MT3: variants seen among roughly 807,000 people sequenced by gnomAD.
MT3 encodes metallothionein-3.
A neutral mutation model predicts 10.9 loss-of-function variants in MT3; 8 were observed. That is an observed-to-expected ratio of 0.73 (90% CI 0.43 to 1.33). MT3 has a LOEUF of 1.33. MT3 is among the 40% of genes most tolerant of loss of function. MT3 has a pLI of 0.01. For missense variants in MT3, 75 were observed against 83.9 expected (o/e 0.89, Z 0.41); for synonymous variants, 32 against 29.9 (o/e 1.07, Z -0.23).
chr16:56,589,828 G>C, intron 1 of MT3, 42 bp from the exon 2 acceptor site: 6 of 1,611,370 alleles, frequency 3.7e-6, no homozygotes, highest in Non-Finnish European at 5.1e-6. Context: ...GGGGACCCGA[G>C]TTCGTCCACA....
At position 56,590,948 on chromosome 16, in the gene MT3, G is replaced by A. The variant is rs762297545; in HGVS notation, c.206G>A (p.Ter69=). 1.9e-6 allele frequency: 3 copies of A among 1,612,704 alleles called. No homozygotes were observed. Among genetic ancestry groups the A allele is most frequent in the African/African-American group, 2.7e-5 (2 of 75,048 alleles). ...GCAGAGAAGTGCAGCTGCTGCCAGT[G>A]AGAAGGCACCCCTCCGTGTGGAGCA... ...AEAEKCSCCQ[*] The change falls in exon 3 of 3, where the codon TGA becomes TAA. Residue 69 remains the stop codon, a stop_retained_variant. Coordinates refer to ENST00000200691, the MANE Select transcript of MT3 (RefSeq NM_005954.4).
At chr16:56,590,487 CAA>C in intron 2 of MT3, 1 of 434,340 alleles carries the variant, frequency 2.3e-6, no homozygotes, top group Non-Finnish European at 4.2e-6. Flanking sequence ...CTGCCCCTCC[CAA>C]GTTTATCCTT....
chr16:56,590,164 C>A (rs965597932), intron 2 of MT3: 2 of 678,882 alleles, frequency 2.9e-6, no homozygotes, highest in African/African-American at 1.8e-5. Flanking sequence ...CCAGAAGACT[C>A]CAATGGCAGC....
In MT3 at chr16:56,589,550, G is replaced by GAGA; in HGVS notation, c.-38_-36dup. ...GCCAAGCCGCGCGTCCAGTTGCTTGGAGAAGCCCGTTCACCGCCTCCAGCT... is the reference window on the plus strand; with the variant it reads ...GCCAAGCCGCGCGTCCAGTTGCTTGGAGAAGAAGCCCGTTCACCGCCTCCAGCT... On this transcript the variant is annotated 5_prime_UTR_variant, in exon 1 of 3. Coordinates refer to ENST00000200691, the MANE Select transcript of MT3 (RefSeq NM_005954.4). 6.5e-7 allele frequency: 1 copy of GAGA among 1,540,976 alleles called. No individual in the cohort carries two copies. The highest frequency in any genetic ancestry group is 8.7e-7 in the Non-Finnish European group (1 of 1,146,462).
At position 56,591,014 on chromosome 16, in the gene MT3, G is replaced by A. The variant is rs1406618596; in HGVS notation, c.*65G>A. On this transcript the variant is annotated 3_prime_UTR_variant, in exon 3 of 3. Coordinates refer to ENST00000200691, the MANE Select transcript of MT3 (RefSeq NM_005954.4). ...AGGTGGCTCAGTGCCACCTATGCCT[G>A]TGGTGAAGTGTGGCTGGTGTCCCCT... is the stretch of plus-strand genomic sequence containing the variant. 5 of 1,343,400 alleles carry A rather than the reference G, an allele frequency of 3.7e-6. No individual in the cohort carries two copies. The highest frequency in any genetic ancestry group is 5.3e-6 in the Non-Finnish European group (5 of 951,786). 83.2% of individuals were successfully genotyped at this position (1,343,400 alleles called of 1,614,324 possible). A position where few individuals can be genotyped will look rare whatever the true frequency, so the allele number is the denominator to read the frequency against.
At chr16:56,590,544 A>C in intron 2 of MT3, 1 of 467,052 alleles carries the variant, frequency 2.1e-6, no homozygotes, top group Non-Finnish European at 3.9e-6. Flanking sequence ...CTTTCTCCTT[A>C]AGGCCTAGTA....
Position 56,589,590 on chromosome 16 carries a change from C to G in MT3, c.-1C>G, listed in dbSNP as rs1032007443. On this transcript the variant is annotated 5_prime_UTR_variant, in exon 1 of 3. Transcript: ENST00000200691. ...CGCCTCCAGCTGCTGCTCTCCTCGA[C>G]ATGGACCCTGAGACCTGCCCCTGCC... 22 of 1,591,218 alleles carry G rather than the reference C, an allele frequency of 1.4e-5. No individual in the cohort carries two copies. Among genetic ancestry groups the G allele is most frequent in the Non-Finnish European group, 1.8e-5 (21 of 1,170,542 alleles).
At chr16:56,589,774 G>A (rs745892515) in intron 1 of MT3, 96 bp from the exon 2 acceptor site, 4 of 1,574,490 alleles carry the variant, frequency 2.5e-6, no homozygotes, top group African/African-American at 1.4e-5. Context: ...CCTGTGTCGC[G>A]GAGAACAGGG....
rs1959816638 is a variant in MT3 at position 56,591,048 on chromosome 16, T to C, written c.*99T>C. The C allele has an allele frequency of 2.1e-6, 2 of 954,204 alleles. No homozygotes were observed. Among genetic ancestry groups the C allele is most frequent in the South Asian group, 1.4e-5 (1 of 71,486 alleles). The allele number at this position is 954,204 out of a possible 1,614,324, so 59.1% of individuals were successfully genotyped here. ...TGTGGCTGGTGTCCCCTTCCCCTGC[T>C]GACCTTGGAGGAATGACAATAAATC... On this transcript the variant is annotated 3_prime_UTR_variant, in exon 3 of 3. Transcript: ENST00000200691.
chr16:56,589,848 C>T (rs45486094), intron 1 of MT3, 22 bp from the exon 2 acceptor site: 1 of 1,613,708 alleles, frequency 6.2e-7, no homozygotes, highest in South Asian at 1.1e-5. Flanking sequence ...ATTAACCCTT[C>T]CTGTGGCGTC....
chr16:56,589,900 A>C lies in MT3; in HGVS notation c.62A>C (p.Lys21Thr). Residue 21 changes from lysine (K) to threonine (T), a missense_variant, in exon 2 of 3, where the codon AAG becomes ACG. By Grantham distance (78) the Lys-to-Thr change is moderately conservative. Transcript: ENST00000200691. The part of the protein sequence containing the change: ...GGSCTCADSC[K>T]CEGCKCTSCK... ...TCCTGCACCTGCGCGGACTCCTGCA[A>C]GTGCGAGGGATGCAAATGCACCTCC... The C allele has an allele frequency of 6.2e-7, 1 of 1,614,048 alleles. No homozygotes were observed. The highest frequency in any genetic ancestry group is 8.5e-7 in the Non-Finnish European group (1 of 1,179,998).
chr16:56,590,937 C>G lies in MT3; in HGVS notation c.195C>G (p.Ser65Arg). Residue 65 changes from serine (S) to arginine (R), a missense_variant, in exon 3 of 3, where the codon AGC (serine) becomes AGG (arginine). Coordinates refer to ENST00000200691, the MANE Select transcript of MT3 (RefSeq NM_005954.4). ...CTGAGGCAGAAGCAGAGAAGTGCAGCTGCTGCCAGTGAGAAGGCACCCCTC... is the reference window on the plus strand; with the variant it reads ...CTGAGGCAGAAGCAGAGAAGTGCAGGTGCTGCCAGTGAGAAGGCACCCCTC... ...EAAEAEAEKC[S>R]CCQ 1 of 1,613,384 alleles carries G rather than the reference C, an allele frequency of 6.2e-7. No individual in the cohort carries two copies. The highest frequency in any genetic ancestry group is 8.5e-7 in the Non-Finnish European group (1 of 1,179,846).
At chr16:56,589,816 G>C (rs762284255) in intron 1 of MT3, 54 bp from the exon 2 acceptor site, 1 of 1,601,958 alleles carries the variant, frequency 6.2e-7, no homozygotes, top group Non-Finnish European at 8.6e-7. Flanking sequence ...CGTGACAGGC[G>C]TGGGGACCCG....
rs1180588893 is a variant in MT3 at position 56,589,871 on chromosome 16, T to G, written c.33T>G (p.Gly11=). Residue 11 remains glycine, a splice_region_variant and synonymous_variant, in exon 2 of 3, where the codon GGT becomes GGG. Coordinates refer to ENST00000200691, the MANE Select transcript of MT3 (RefSeq NM_005954.4). The stretch of plus-strand genomic sequence containing the variant: ...TTCCTGTGGCGTCGCCCTCTCTAGG[T>G]GGCTCCTGCACCTGCGCGGACTCCT... MDPETCPCPS[G]GSCTCADSCK... is the part of the protein sequence containing the mutation. The G allele has an allele frequency of 5.0e-6, 8 of 1,613,976 alleles. No homozygotes were observed. Among genetic ancestry groups the G allele is most frequent in the Non-Finnish European group, 6.8e-6 (8 of 1,180,014 alleles).
At position 56,589,549 on chromosome 16, in the gene MT3, G is replaced by A; in HGVS notation, c.-42G>A. Reference sequence around the variant, plus strand: ...AGCCAAGCCGCGCGTCCAGTTGCTTGGAGAAGCCCGTTCACCGCCTCCAGC... The same window carrying A: ...AGCCAAGCCGCGCGTCCAGTTGCTTAGAGAAGCCCGTTCACCGCCTCCAGC... On this transcript the variant is annotated 5_prime_UTR_variant, in exon 1 of 3. Transcript: ENST00000200691. The A allele has an allele frequency of 6.5e-7, 1 of 1,538,638 alleles. No individual in the cohort carries two copies. Among genetic ancestry groups the A allele is most frequent in the Non-Finnish European group, 8.7e-7 (1 of 1,145,622 alleles).
intron 1 of MT3, 82 bp from the exon 2 acceptor site, chr16:56,589,788 C>A (rs534847431): frequency 6.3e-7 from 1 of 1,582,042 alleles, no homozygotes; most frequent in African/African-American, 1.3e-5. Context: ...AACAGGGAGA[C>A]TTGGCACCCC....
intron 2 of MT3, 146 bp downstream of exon 2, chr16:56,590,081 A>C: frequency 2.4e-6 from 2 of 818,890 alleles, no homozygotes; most frequent in Non-Finnish European, 4.1e-6. Context: ...GGCAGACATT[A>C]AAATACAGAT....
At chr16:56,590,170 G>A in intron 2 of MT3, 1 of 669,966 alleles carries the variant, frequency 1.5e-6, no homozygotes, top group South Asian at 1.6e-5. Context: ...GACTCCAATG[G>A]CAGCTGGGAT....
At chr16:56,590,061 G>A in intron 2 of MT3, 126 bp downstream of exon 2, 1 of 971,010 alleles carries the variant, frequency 1.0e-6, no homozygotes, top group African/African-American at 1.6e-5. Context: ...TGCTGGAATA[G>A]AACCACCCGG....
Sources: allele counts gnomAD v4.1 joint callset, GRCh38; gene constraint gnomAD v4.1.1; transcripts MANE v1.5; gene names NCBI Gene and HGNC (gene_info 2026-07-23, HGNC 2026-07-21).